Variants in CFAP20DC observed in about 807,000 individuals in gnomAD.
The protein encoded by CFAP20DC is protein CFAP20DC.
Under a neutral mutation model 101.7 loss-of-function variants are expected in CFAP20DC, and 84 were observed. The ratio of observed to expected loss-of-function variants is 0.83; its 90% confidence interval spans 0.69 to 0.99. CFAP20DC has a LOEUF of 0.99. CFAP20DC is among the 50% of genes least tolerant of loss of function. CFAP20DC has a pLI of 0.00. For missense variants in CFAP20DC, 1,007 were observed against 970.3 expected (o/e 1.04, Z -0.50); for synonymous variants, 359 against 351.2 (o/e 1.02, Z -0.25).
At chr3:58,811,231 G>A (rs1374537911) in intron 14 of CFAP20DC, among the ~76,000 whole-genome samples, 2 of 152,096 alleles carry the variant, frequency 1.3e-5, no homozygotes, top group Non-Finnish European at 2.9e-5. Flanking sequence ...AACCAAAAAA[G>A]AGCCCGCATT....
chr3:58,787,237 G>A (rs1320351861), intron 15 of CFAP20DC, among the ~76,000 whole-genome samples: 1 of 148,758 alleles, frequency 6.7e-6, no homozygotes, highest in Non-Finnish European at 1.5e-5. Flanking sequence ...ACTATCGCAA[G>A]AACAAAAAAC....
intron 5 of CFAP20DC, among the ~76,000 whole-genome samples, chr3:58,920,685 C>T (rs1291228247): frequency 6.6e-6 from 1 of 152,094 alleles, no homozygotes; most frequent in African/African-American, 2.4e-5. Flanking sequence ...GGAATAAATG[C>T]CACTGGATCA....
At chr3:58,839,019 TGAA>T (rs2076924548) in intron 13 of CFAP20DC, among the ~76,000 whole-genome samples, 1 of 152,150 alleles carries the variant, frequency 6.6e-6, no homozygotes. Flanking sequence ...TTTACAGAAA[TGAA>T]AATAGAGGAG....
chr3:58,860,323 CT>C (rs752186427), intron 12 of CFAP20DC, among the ~76,000 whole-genome samples: 4 of 151,404 alleles, frequency 2.6e-5, no homozygotes, highest in Non-Finnish European at 4.4e-5. Flanking sequence ...CTAAAAAAAA[CT>C]CTTGAAAGCA....
chr3:58,889,662 C>T (rs1364263248), intron 6 of CFAP20DC, among the ~76,000 whole-genome samples: 1 of 140,702 alleles, frequency 7.1e-6, no homozygotes, highest in South Asian at 2.4e-4. Context: ...AACAAGTGAA[C>T]AAAGGTCTCT....
rs571536792 is a variant in CFAP20DC at position 59,036,385 on chromosome 3, T to C, written c.278+3172A>G. Among the ~76,000 whole-genome samples, 68 of 152,288 alleles carry C rather than the reference T, an allele frequency of 4.5e-4. 1 individual carries two copies. The highest frequency in any genetic ancestry group is 1.6e-3 in the African/African-American group (67 of 41,560). ...CCTCTTTGCAGATGACATGATTGCA[T>C]ATTTAGAAAACCCCATCGTCTCAGC... is the stretch of plus-strand genomic sequence containing the variant. On this transcript the variant is annotated intron_variant, in intron 4 of 16. Coordinates refer to ENST00000482387, the MANE Select transcript of CFAP20DC (RefSeq NM_001394063.1).
rs2067418365 is a variant in CFAP20DC at position 58,717,865 on chromosome 3, A to G, written c.198-237T>C. Among the ~76,000 whole-genome samples the G allele has an allele frequency of 6.6e-6, 1 of 152,152 alleles. No homozygotes were observed. The stretch of plus-strand genomic sequence containing the variant: ...ATACTGCAGCCCAAACCAGAGTTGC[A>G]TTAGGAAGATGAAGGGAAGGAGAAA... On this transcript the variant is annotated intron_variant, in intron 3 of 3. Coordinates refer to the CFAP20DC transcript ENST00000486145. The surrounding 1 kb of genome is among the most constrained non-coding windows in gnomAD (Gnocchi z 4.1).
rs1168935443 is a variant in CFAP20DC, at chr3:59,007,573, A to G, written c.278+31984T>C. ...AACCAGCATTTGAGAAAGCCAGAAA[A>G]CTAAACATGTCTACAACTAAGGACT... On this transcript the variant is annotated intron_variant, in intron 4 of 16. Coordinates refer to ENST00000482387, the MANE Select transcript of CFAP20DC (RefSeq NM_001394063.1). The surrounding 1 kb of genome is among the most constrained non-coding windows in gnomAD (Gnocchi z 4.4). Among the ~76,000 whole-genome samples, 2 of 152,192 alleles carry G rather than the reference A, an allele frequency of 1.3e-5. No individual in the cohort carries two copies. Among genetic ancestry groups the G allele is most frequent in the Non-Finnish European group, 2.9e-5 (2 of 68,034 alleles).
At chr3:58,784,217 T>A (rs950468262) in intron 15 of CFAP20DC, among the ~76,000 whole-genome samples, 2 of 152,064 alleles carry the variant, frequency 1.3e-5, no homozygotes, top group South Asian at 4.1e-4. Context: ...CTTAGGATAA[T>A]GACCTCCAGC....
At chr3:58,731,491 C>T (rs1211894391) in intron 3 of CFAP20DC, among the ~76,000 whole-genome samples, 1 of 152,082 alleles carries the variant, frequency 6.6e-6, no homozygotes, top group Admixed American at 6.6e-5. Flanking sequence ...GCTCAGGATG[C>T]TAGGTTACTA....
chr3:59,017,684 T>C (rs1266820851), intron 4 of CFAP20DC: 2 of 152,114 alleles, frequency 1.3e-5, no homozygotes, highest in African/African-American at 4.8e-5. Context: ...GCTATTACTG[T>C]TTACTTGTGA....
At chr3:58,981,297 A>T (rs2092532814) in intron 4 of CFAP20DC, among the ~76,000 whole-genome samples, 1 of 152,136 alleles carries the variant, frequency 6.6e-6, no homozygotes, top group Non-Finnish European at 1.5e-5. Flanking sequence ...TAATTTATAG[A>T]TTCAATGCCA....
intron 6 of CFAP20DC, among the ~76,000 whole-genome samples, chr3:58,903,279 A>C (rs968275045): frequency 6.6e-6 from 1 of 152,110 alleles, no homozygotes; most frequent in Non-Finnish European, 1.5e-5. Flanking sequence ...TTACAGTTTC[A>C]GCTCTTATAT....
At chr3:58,991,676 A>G (rs1009134953) in intron 4 of CFAP20DC, among the ~76,000 whole-genome samples, 26 of 152,158 alleles carry the variant, frequency 1.7e-4, no homozygotes, top group Middle Eastern at 3.4e-3. Flanking sequence ...GGAGCACACA[A>G]CCTAGATCCC....
At chr3:58,856,437 GA>G (rs2078833473) in intron 12 of CFAP20DC, among the ~76,000 whole-genome samples, 2 of 152,106 alleles carry the variant, frequency 1.3e-5, no homozygotes, top group Admixed American at 1.3e-4. Context: ...TAAGACAGGC[GA>G]AAATATTTTT....
At chr3:58,994,259 T>C (rs1434502574) in intron 4 of CFAP20DC, among the ~76,000 whole-genome samples, 1 of 152,202 alleles carries the variant, frequency 6.6e-6, no homozygotes, top group East Asian at 1.9e-4. Context: ...TCAATGGACT[T>C]TGCATTTTCT....
intron 6 of CFAP20DC, among the ~76,000 whole-genome samples, chr3:58,886,870 T>C (rs931339090): frequency 6.6e-6 from 1 of 152,196 alleles, no homozygotes; most frequent in East Asian, 1.9e-4. Flanking sequence ...ATGAGTAAAG[T>C]TTCTGTTTTT....
At chr3:58,791,166 T>A (rs1420381234) in intron 15 of CFAP20DC, among the ~76,000 whole-genome samples, 1 of 152,176 alleles carries the variant, frequency 6.6e-6, no homozygotes, top group Admixed American at 6.5e-5. Flanking sequence ...TCAAACCCTT[T>A]AAGATTCTCT....
intron 4 of CFAP20DC, among the ~76,000 whole-genome samples, chr3:59,021,369 G>A (rs2093799353): frequency 6.6e-6 from 1 of 152,022 alleles, no homozygotes; most frequent in Non-Finnish European, 1.5e-5. Flanking sequence ...AATGCCAGTA[G>A]AGGGGCTCAG....
Sources: allele counts gnomAD v4.1 joint callset (sites outside exome capture counted in the v4.1 genomes callset), GRCh38; gene constraint gnomAD v4.1.1; non-coding constraint Gnocchi (gnomAD v3.1); transcripts MANE v1.5; gene names NCBI Gene and HGNC (gene_info 2026-07-23, HGNC 2026-07-21).